The following TANC2 variants were observed in gnomAD, a reference collection of about 807,000 sequenced individuals.
The protein encoded by TANC2 is protein TANC2.
In TANC2, 26 loss-of-function variants were observed where a neutral mutation model predicts 210.5. The observed-to-expected ratio is 0.12, with a 90% CI of 0.09 to 0.17. The LOEUF is 0.17. TANC2 is among the 10% of genes least tolerant of loss of function. The pLI, the probability that TANC2 is intolerant of heterozygous loss-of-function variation, is 1.00. For synonymous variants in TANC2, 931 were observed against 967.1 expected (o/e 0.96, Z 0.69); for missense variants, 2,129 against 2,608.9 (o/e 0.82, Z 4.01).
intron 12 of TANC2, among the ~76,000 whole-genome samples, chr17:63,343,071 TA>T (rs572087070): frequency 1.1e-3 from 171 of 152,344 alleles, no homozygotes; most frequent in Non-Finnish European, 1.6e-3. Context: ...TAAAGAAGAA[TA>T]TTTTTTTTAG....
intron 2 of TANC2, among the ~76,000 whole-genome samples, chr17:63,027,145 G>T (rs2034584582): frequency 6.6e-6 from 1 of 152,082 alleles, no homozygotes. Context: ...TTTCATAAAT[G>T]ATCAATTCAC....
intron 2 of TANC2, among the ~76,000 whole-genome samples, chr17:63,055,876 G>C (rs1394132064): frequency 6.9e-6 from 1 of 145,966 alleles, no homozygotes; most frequent in African/African-American, 2.5e-5. Context: ...CAGGTGCAGT[G>C]CTTACGCCTG....
intron 9 of TANC2, among the ~76,000 whole-genome samples, chr17:63,286,980 C>G (rs2044242047): frequency 6.6e-6 from 1 of 152,128 alleles, no homozygotes; most frequent in South Asian, 2.1e-4. Context: ...TACACCCAGC[C>G]TGGAGTACAG....
chr17:63,393,509 GATTCTTCTGAGC>G (rs2048046346), intron 17 of TANC2: 1 of 152,140 alleles, frequency 6.6e-6, no homozygotes, highest in Non-Finnish European at 1.5e-5. Flanking sequence ...TTCTTCGCTG[GATTCTTCTGAGC>G]ATTTGATCAC....
chr17:63,080,195 A>T (rs2036721495), intron 3 of TANC2, among the ~76,000 whole-genome samples: 1 of 152,200 alleles, frequency 6.6e-6, no homozygotes, highest in African/African-American at 2.4e-5. Flanking sequence ...AGGAAACTAC[A>T]ATTCCTGGAA....
At chr17:63,358,413 A>ATG (rs1321123550) in intron 14 of TANC2, among the ~76,000 whole-genome samples, 3 of 69,436 alleles carry the variant, frequency 4.3e-5, no homozygotes, top group African/African-American at 1.1e-4. Flanking sequence ...GTGTGTGTGT[A>ATG]TGTGTGTGTG....
intron 21 of TANC2, among the ~76,000 whole-genome samples, chr17:63,410,028 A>G (rs934455736): frequency 1.3e-5 from 2 of 152,152 alleles, no homozygotes; most frequent in African/African-American, 4.8e-5. Context: ...AAAGGTTCAG[A>G]TTGTGGAGCA....
chr17:63,359,238 T>G (rs2046881210), intron 14 of TANC2, among the ~76,000 whole-genome samples: 1 of 152,052 alleles, frequency 6.6e-6, no homozygotes, highest in Non-Finnish European at 1.5e-5. Context: ...TTTTTTTGTT[T>G]GTAGAGAAAG....
intron 2 of TANC2, among the ~76,000 whole-genome samples, chr17:63,068,196 C>T (rs1005690963): frequency 6.6e-6 from 1 of 151,886 alleles, no homozygotes; most frequent in Admixed American, 6.6e-5. Flanking sequence ...ATACACACAC[C>T]AAATGGCCAG....
At chr17:62,997,116 C>CTTTTTT (rs74374010) in intron 1 of TANC2, among the ~76,000 whole-genome samples, 1 of 120,960 alleles carries the variant, frequency 8.3e-6, no homozygotes. Flanking sequence ...CACCCAGCCT[C>CTTTTTT]TTTTTTTTTT....
intron 2 of TANC2, among the ~76,000 whole-genome samples, chr17:63,049,991 G>A (rs2035520611): frequency 6.6e-6 from 1 of 152,140 alleles, no homozygotes; most frequent in African/African-American, 2.4e-5. Context: ...GAGGAAGACT[G>A]TGAGAGGAGC....
intron 8 of TANC2, among the ~76,000 whole-genome samples, chr17:63,244,001 C>A (rs2042848617): frequency 6.6e-6 from 1 of 152,002 alleles, no homozygotes; most frequent in African/African-American, 2.4e-5. Flanking sequence ...AAAGTCAGAG[C>A]CAAATCAAGA....
chr17:63,366,693 C>T (rs2047120230), intron 14 of TANC2, among the ~76,000 whole-genome samples: 1 of 152,166 alleles, frequency 6.6e-6, no homozygotes, highest in Non-Finnish European at 1.5e-5. Context: ...TGCTTTTCCA[C>T]TCATTTCTAT....
chr17:63,106,479 G>T (rs546804290), intron 4 of TANC2, among the ~76,000 whole-genome samples: 10 of 151,736 alleles, frequency 6.6e-5, no homozygotes, highest in Admixed American at 1.3e-4. Flanking sequence ...ACTAAACAGT[G>T]CCTTGCTGAA....
intron 8 of TANC2, among the ~76,000 whole-genome samples, chr17:63,243,001 TAG>T (rs1817540463): frequency 6.6e-6 from 1 of 152,192 alleles, no homozygotes; most frequent in Non-Finnish European, 1.5e-5. Flanking sequence ...CTGTGGGAAT[TAG>T]GGCTCAGGAA....
intron 14 of TANC2, among the ~76,000 whole-genome samples, chr17:63,367,640 G>C (rs1408995595): frequency 6.6e-6 from 1 of 152,160 alleles, no homozygotes; most frequent in Non-Finnish European, 1.5e-5. Flanking sequence ...TGGAAGTATG[G>C]GTTGAATTCT....
At chr17:63,235,605 G>A (rs1257964660) in intron 7 of TANC2, among the ~76,000 whole-genome samples, 2 of 151,902 alleles carry the variant, frequency 1.3e-5, no homozygotes, top group Non-Finnish European at 2.9e-5. Context: ...TTCTTAGAGA[G>A]AAATTTAGGT....
At chr17:63,060,338 G>C (rs2035950289) in intron 2 of TANC2, among the ~76,000 whole-genome samples, 1 of 152,182 alleles carries the variant, frequency 6.6e-6, no homozygotes, top group Non-Finnish European at 1.5e-5. Flanking sequence ...GTCCTCGTTT[G>C]GGCTGGGCGT....
At chr17:63,031,698 G>T (rs1445645597) in intron 2 of TANC2, among the ~76,000 whole-genome samples, 1 of 152,064 alleles carries the variant, frequency 6.6e-6, no homozygotes, top group Non-Finnish European at 1.5e-5. Context: ...CACTTAATGT[G>T]GACCAAGTAG....
Sources: gnomAD v4.1 joint callset for allele counts (sites outside exome capture counted in the v4.1 genomes callset) on GRCh38, gnomAD v4.1.1 for gene constraint, MANE v1.5 for transcripts, NCBI Gene and HGNC (gene_info 2026-07-23, HGNC 2026-07-21) for gene names.